Variants in SDR42E1 observed in about 807,000 individuals in gnomAD.
SDR42E1 encodes short-chain dehydrogenase/reductase family 42E member 1.
A neutral mutation model predicts 2.6 loss-of-function variants in SDR42E1; 5 were observed. That is an observed-to-expected ratio of 1.94 (90% CI 1.01 to 4.08). SDR42E1 has a LOEUF of 4.08. Ranked by LOEUF, SDR42E1 falls within the 30% of genes most tolerant of loss-of-function variation. The probability of loss-of-function intolerance (pLI) is 0.00; values close to 1 mark genes in which losing one functional copy is unlikely to be tolerated. For missense variants in SDR42E1, 596 were observed against 478.6 expected (o/e 1.25, Z -2.29); for synonymous variants, 231 against 188.3 (o/e 1.23, Z -1.86).
At chr16:82,000,410 C>G (rs997570058) in intron 2 of SDR42E1, 186 bp from the exon 3 acceptor site, 6 of 755,788 alleles carry the variant, frequency 7.9e-6, no homozygotes, top group Non-Finnish European at 1.4e-5. Flanking sequence ...TGAGAATCCT[C>G]TCATCTACTT....
chr16:82,000,109 A>T lies in SDR42E1; in HGVS notation c.184T>A (p.Ser62Thr). 1 of 1,614,204 alleles carries T rather than the reference A, an allele frequency of 6.2e-7. No individual in the cohort carries two copies. Among genetic ancestry groups the T allele is most frequent in the Non-Finnish European group, 8.5e-7 (1 of 1,180,002 alleles). Residue 62 changes from serine to threonine, a missense_variant, in exon 3 of 3, where the codon TCT becomes ACT. Ser to Thr is a moderately conservative substitution (Grantham distance 58). Coordinates refer to ENST00000328945, the MANE Select transcript of SDR42E1 (RefSeq NM_145168.3). ...TCCTGGAAGGCTTTCTCTACGTCAG[A>T]CAGGTGGCGGATGTCTCCTTGTATA... The part of the protein sequence containing the change: ...KFIQGDIRHL[S>T]DVEKAFQDAD...
At position 81,999,392 on chromosome 16, in the gene SDR42E1, A is replaced by G. The variant is rs780154427; in HGVS notation, c.901T>C (p.Leu301=). The change falls in exon 3 of 3, where the codon TTG becomes CTG. Residue 301 remains leucine (L), a synonymous_variant. Coordinates refer to ENST00000328945, the MANE Select transcript of SDR42E1 (RefSeq NM_145168.3). ...GGCTGGAAGTTGTAGAGTCGACCCA[A>G]AATGAAGTGAACCATCTCTGTTAGA... ...AFLTEMVHFI[L]GRLYNFQPFL... 6.2e-7 allele frequency: 1 copy of G among 1,614,196 alleles called. No individual in the cohort carries two copies. Among genetic ancestry groups the G allele is most frequent in the African/African-American group, 1.3e-5 (1 of 75,048 alleles).
chr16:82,003,217 G>A (rs562808546), intron 1 of SDR42E1, among the ~76,000 whole-genome samples: 6 of 152,268 alleles, frequency 3.9e-5, no homozygotes, highest in Non-Finnish European at 5.9e-5. Flanking sequence ...CAACTGCCAC[G>A]GTTGTGCTTT....
rs373444132 is a variant in SDR42E1, at chr16:81,999,695, T to G, written c.598A>C (p.Ile200Leu). The change falls in exon 3 of 3, where the codon ATA becomes CTA. Residue 200 changes from isoleucine (I) to leucine (L), a missense_variant. Transcript: ENST00000328945. ...GPGEQRHLPR[I>L]VSYIEKGLFK... Reference sequence around the variant, plus strand: ...AGACCCTTCTCGATGTAGCTGACTATCCTGGGAAGGTGTCTTTGTTCTCCA... The same window carrying G: ...AGACCCTTCTCGATGTAGCTGACTAGCCTGGGAAGGTGTCTTTGTTCTCCA... 1.1e-5 allele frequency: 18 copies of G among 1,614,098 alleles called. No individual in the cohort carries two copies. In the African/African-American group the frequency reaches 2.1e-4, roughly 19 times the overall value.
At position 81,999,119 on chromosome 16, in the gene SDR42E1, A is replaced by G. The variant is rs1179652986; in HGVS notation, c.1174T>C (p.Ser392Pro). Residue 392 changes from serine (S) to proline (P), a missense_variant, in exon 3 of 3, where the codon TCA becomes CCA. Physicochemically the swap from Ser to Pro is moderately conservative, Grantham distance 74. Coordinates refer to ENST00000328945, the MANE Select transcript of SDR42E1 (RefSeq NM_145168.3). ...LMWLPSSVILSL is the reference protein window; with the variant it reads ...LMWLPSSVILPL ...TATTTCTGGCCCCTCCTTCACAGTG[A>G]CAGAATCACAGAAGAAGGCAGCCAC... 1 of 1,613,306 alleles carries G rather than the reference A, an allele frequency of 6.2e-7. No individual in the cohort carries two copies. Among genetic ancestry groups the G allele is most frequent in the Non-Finnish European group, 8.5e-7 (1 of 1,179,716 alleles).
At chr16:82,005,364 ATAACT>A (rs908046101) in intron 1 of SDR42E1, among the ~76,000 whole-genome samples, 3 of 152,228 alleles carry the variant, frequency 2.0e-5, no homozygotes, top group Non-Finnish European at 4.4e-5. Context: ...AGAAAAATTA[ATAACT>A]TAACAAGATA....
In SDR42E1 at chr16:81,995,437, A is replaced by C. The variant is rs1220039653; in HGVS notation, c.*3674T>G. The C allele has an allele frequency of 2.0e-5, 3 of 152,198 alleles. No individual in the cohort carries two copies. The highest frequency in any genetic ancestry group is 4.4e-5 in the Non-Finnish European group (3 of 68,048). The allele number at this position is 152,198 out of a possible 1,614,324, so 9.4% of individuals were successfully genotyped here. On this transcript the variant is annotated 3_prime_UTR_variant, in exon 3 of 3. Transcript: ENST00000328945. ...GAGCTCCCTTTCAGGAAATAGACTA[A>C]GTCTTTTAAAGTGGTGAGTTTTCAG... is the stretch of plus-strand genomic sequence containing the variant.
intron 1 of SDR42E1, 118 bp downstream of exon 1, chr16:82,011,269 A>G (rs74029346): frequency 0.018 from 2,719 of 152,378 alleles, 92 homozygotes; most frequent in African/African-American, 0.063. Context: ...CACCCTGCTC[A>G]GTCATTCACC....
intron 1 of SDR42E1, among the ~76,000 whole-genome samples, chr16:82,006,477 G>C (rs941873130): frequency 2.0e-5 from 3 of 152,158 alleles, no homozygotes; most frequent in African/African-American, 7.2e-5. Context: ...TTCTGATACA[G>C]ATAAAAGAGA....
intron 1 of SDR42E1, among the ~76,000 whole-genome samples, chr16:82,004,925 G>A (rs1937256208): frequency 6.6e-6 from 1 of 152,204 alleles, no homozygotes; most frequent in African/African-American, 2.4e-5. Context: ...ATGTTTTGAG[G>A]AAGATGATGT....
Position 81,990,885 on chromosome 16 carries a change from G to A in SDR42E1, c.*8226C>T, listed in dbSNP as rs1228578250. The A allele has an allele frequency of 1.3e-5, 2 of 152,144 alleles. No homozygotes were observed. The highest frequency in any genetic ancestry group is 4.8e-5 in the African/African-American group (2 of 41,410). 9.4% of individuals were successfully genotyped at this position (152,144 alleles called of 1,614,324 possible). A position where few individuals can be genotyped will look rare whatever the true frequency, so the allele number is the denominator to read the frequency against. On this transcript the variant is annotated 3_prime_UTR_variant, in exon 3 of 3. Coordinates refer to ENST00000328945, the MANE Select transcript of SDR42E1 (RefSeq NM_145168.3). Reference sequence around the variant, plus strand: ...CTTTGTAAAAAGTTCACCCTTCTTTGGGAGAATTTAAACATCTAAGGGCAC... The same window carrying A: ...CTTTGTAAAAAGTTCACCCTTCTTTAGGAGAATTTAAACATCTAAGGGCAC...
At chr16:82,000,247 T>G (rs75829325) in intron 2 of SDR42E1, 23 bp from the exon 3 acceptor site, 15 of 1,600,460 alleles carry the variant, frequency 9.4e-6, no homozygotes, top group Non-Finnish European at 1.1e-5. Flanking sequence ...ACAGTAAACG[T>G]TGAATCAAGT....
rs141751383 is a variant in SDR42E1 at position 81,999,655 on chromosome 16, T to C, written c.638A>G (p.Tyr213Cys). 1.2e-4 allele frequency: 196 copies of C among 1,614,174 alleles called. No individual in the cohort carries two copies. In the African/African-American group the frequency reaches 2.1e-3, roughly 17 times the overall value. Residue 213 changes from tyrosine to cysteine, a missense_variant, in exon 3 of 3, where the codon TAC becomes TGC. Physicochemically the swap from Tyr to Cys is radical, Grantham distance 194. Transcript: ENST00000328945. ...YIEKGLFKFVYGDPRSLVEFV... is the reference protein window; with the variant it reads ...YIEKGLFKFVCGDPRSLVEFV... ...CTCAACCAGGCTCCTGGGGTCCCCG[T>C]AGACAAACTTGAACAGACCCTTCTC...
chr16:82,010,933 A>G (rs1597183822), intron 1 of SDR42E1, among the ~76,000 whole-genome samples: 2 of 152,230 alleles, frequency 1.3e-5, no homozygotes, highest in South Asian at 2.1e-4. Flanking sequence ...TGACTAGCCT[A>G]TAAGGTTTTG....
rs1371642760 is a variant in SDR42E1 at position 81,997,354 on chromosome 16, G to A, written c.*1757C>T. 6.6e-6 allele frequency: 1 copy of A among 152,128 alleles called. No homozygotes were observed. Among genetic ancestry groups the A allele is most frequent in the African/African-American group, 2.4e-5 (1 of 41,408 alleles). 9.4% of individuals were successfully genotyped at this position (152,128 alleles called of 1,614,324 possible). A position where few individuals can be genotyped will look rare whatever the true frequency, so the allele number is the denominator to read the frequency against. ...CGCCTTTGACCATCTCCCTCTTCTG[G>A]TATAATACGGAAATACCTTTGTGTA... On this transcript the variant is annotated 3_prime_UTR_variant, in exon 3 of 3. Coordinates refer to ENST00000328945, the MANE Select transcript of SDR42E1 (RefSeq NM_145168.3).
intron 1 of SDR42E1, among the ~76,000 whole-genome samples, chr16:82,002,987 A>G (rs566931135): frequency 6.6e-6 from 1 of 152,284 alleles, no homozygotes; most frequent in African/African-American, 2.4e-5. Context: ...GGTTACAAAG[A>G]GTTTTGTAAG....
At chr16:82,006,323 C>T (rs1315031136) in intron 1 of SDR42E1, among the ~76,000 whole-genome samples, 1 of 152,176 alleles carries the variant, frequency 6.6e-6, no homozygotes, top group African/African-American at 2.4e-5. Flanking sequence ...ATATTGAGAT[C>T]TGGCAAATAT....
At chr16:82,009,662 T>C (rs1420772246) in intron 1 of SDR42E1, among the ~76,000 whole-genome samples, 3 of 152,266 alleles carry the variant, frequency 2.0e-5, no homozygotes, top group Non-Finnish European at 2.9e-5. Context: ...TACAGGCTTA[T>C]AGGTGGAAGG....
intron 1 of SDR42E1, among the ~76,000 whole-genome samples, chr16:82,001,829 G>T (rs1912770299): frequency 6.6e-6 from 1 of 151,268 alleles, no homozygotes; most frequent in Non-Finnish European, 1.5e-5. Context: ...GTGAACCCAG[G>T]AGGCGTAGCT....
Sources: allele counts gnomAD v4.1 joint callset (sites outside exome capture counted in the v4.1 genomes callset), GRCh38; gene constraint gnomAD v4.1.1; transcripts MANE v1.5; gene names NCBI Gene and HGNC (gene_info 2026-07-23, HGNC 2026-07-21).